The following IL34 variants were observed in gnomAD, a reference collection of about 807,000 sequenced individuals.
The protein encoded by IL34 is interleukin 34.
A neutral mutation model predicts 25.3 loss-of-function variants in IL34; 17 were observed. That is an observed-to-expected ratio of 0.67 (90% CI 0.46 to 1.01). The LOEUF (loss-of-function observed/expected upper bound fraction) is 1.01. Among genes scored for constraint, IL34 ranks in the 50% least tolerant of loss-of-function variants. IL34 has a pLI of 0.00. For synonymous variants in IL34, 174 were observed against 140.9 expected (o/e 1.23, Z -1.66); for missense variants, 368 against 312.9 (o/e 1.18, Z -1.33).
upstream of IL34, among the ~76,000 whole-genome samples, chr16:70,644,576 T>C (rs1048175389): frequency 1.3e-5 from 2 of 151,958 alleles, no homozygotes; most frequent in African/African-American, 4.8e-5. Flanking sequence ...GGGTAAAATG[T>C]AGTATATGTA....
chr16:70,632,154 G>A (rs1000665605), intron 1 of IL34, among the ~76,000 whole-genome samples: 2 of 152,042 alleles, frequency 1.3e-5, no homozygotes, highest in African/African-American at 4.8e-5. Context: ...AGCCTTGTTG[G>A]GAGGCAATTA....
intron 1 of IL34, among the ~76,000 whole-genome samples, chr16:70,633,939 C>T (rs1444964202): frequency 6.6e-6 from 1 of 152,034 alleles, no homozygotes; most frequent in African/African-American, 2.4e-5. Flanking sequence ...CAACCTCCGC[C>T]TCCTGGGTTC....
intron 1 of IL34, 81 bp from the exon 2 acceptor site, chr16:70,654,457 G>A (rs2052160559): frequency 2.7e-6 from 4 of 1,506,446 alleles, no homozygotes; most frequent in Non-Finnish European, 2.7e-6. Flanking sequence ...ATGGATGATG[G>A]TTGTGCTCGG....
chr16:70,593,855 T>C (rs1024028861), intron 1 of IL34, among the ~76,000 whole-genome samples: 8 of 152,202 alleles, frequency 5.3e-5, no homozygotes, highest in Admixed American at 5.2e-4. Context: ...TGCAGGTGGA[T>C]GATCAATCAT....
intron 1 of IL34, among the ~76,000 whole-genome samples, chr16:70,631,478 G>A (rs1055191859): frequency 5.9e-5 from 9 of 151,886 alleles, no homozygotes; most frequent in African/African-American, 2.2e-4. Flanking sequence ...CATATTAAAT[G>A]TTTTTTTAAT....
Position 70,611,538 on chromosome 16 carries a change from C to T in IL34, c.-401+31489C>T, listed in dbSNP as rs142577698. Among the ~76,000 whole-genome samples the T allele has an allele frequency of 8.3e-3, 1,256 of 152,216 alleles. 18 individuals are homozygous for T. Among genetic ancestry groups the T allele is most frequent in the African/African-American group, 0.028 (1,183 of 41,516 alleles). On this transcript the variant is annotated intron_variant, in intron 1 of 6. Coordinates refer to the IL34 transcript ENST00000429149. Reference sequence around the variant, plus strand: ...GTGCAGTGGCTCACACCTGTAATCCCAGCTCTTTGGGAGGCTGAGGCAGGT... The same window carrying T: ...GTGCAGTGGCTCACACCTGTAATCCTAGCTCTTTGGGAGGCTGAGGCAGGT...
At chr16:70,652,556 A>G (rs1475294220) in intron 1 of IL34, among the ~76,000 whole-genome samples, 2 of 152,222 alleles carry the variant, frequency 1.3e-5, no homozygotes, top group Admixed American at 6.5e-5. Flanking sequence ...TTCACTAAGC[A>G]TATCTAATTG....
rs1391475618 is a variant in IL34, at chr16:70,660,186, G to T, written c.728G>T (p.Ter243LeuextTer75). 4 of 1,572,614 alleles carry T rather than the reference G, an allele frequency of 2.5e-6. No homozygotes were observed. In the African/African-American group the frequency reaches 5.4e-5, roughly 21 times the overall value. ...GCACAGGGCGAGGGCCTCTTGCCCTGAGCACCCTGGATGGTGACTGCGGAT... is the reference window on the plus strand; with the variant it reads ...GCACAGGGCGAGGGCCTCTTGCCCTTAGCACCCTGGATGGTGACTGCGGAT... ...VRAQGEGLLP[*>L] Residue 243 changes from the stop codon to leucine, a stop_lost, in exon 6 of 6, where the codon TGA (stop) becomes TTA (leucine). Transcript: ENST00000288098.
chr16:70,638,938 A>C (rs149770171), intron 1 of IL34, among the ~76,000 whole-genome samples: 190 of 152,344 alleles, frequency 1.2e-3, no homozygotes, highest in Non-Finnish European at 2.3e-3. Context: ...GAGTGAATGC[A>C]GGGAAATCTA....
At chr16:70,596,245 G>A (rs2050821535) in intron 1 of IL34, among the ~76,000 whole-genome samples, 2 of 152,112 alleles carry the variant, frequency 1.3e-5, no homozygotes, top group African/African-American at 2.4e-5. Flanking sequence ...CCACCATCAC[G>A]ACCTCATCAT....
rs112379576 is a variant in IL34 at position 70,660,547 on chromosome 16, C to T, written c.*360C>T. The T allele has an allele frequency of 1.8e-4, 38 of 211,126 alleles. No individual in the cohort carries two copies. The highest frequency in any genetic ancestry group is 7.3e-4 in the East Asian group (7 of 9,610). The allele number at this position is 211,126 out of a possible 1,614,324, so 13.1% of individuals were successfully genotyped here. A position where few individuals can be genotyped will look rare whatever the true frequency, so the allele number is the denominator to read the frequency against. Reference sequence around the variant, plus strand: ...TGGGTTGCAGGGGAGACAGCCAGCACGGCGTGGCCATTCTATGACCCCCCA... The same window carrying T: ...TGGGTTGCAGGGGAGACAGCCAGCATGGCGTGGCCATTCTATGACCCCCCA... On this transcript the variant is annotated 3_prime_UTR_variant, in exon 6 of 6. Coordinates refer to ENST00000288098, the MANE Select transcript of IL34 (RefSeq NM_001393494.1).
chr16:70,657,456 A>G, intron 4 of IL34: 1 of 255,506 alleles, frequency 3.9e-6, no homozygotes, highest in Non-Finnish European at 7.5e-6. Context: ...GGGTAGGGGG[A>G]GAGGGGAAGA....
At chr16:70,645,441 CAG>C (rs1333653247), upstream of IL34, among the ~76,000 whole-genome samples, 4 of 152,058 alleles carry the variant, frequency 2.6e-5, no homozygotes, top group Non-Finnish European at 4.4e-5. Context: ...AGAGGGGAGA[CAG>C]GGAGGAGGCG....
chr16:70,646,477 C>T (rs761333015), upstream of IL34: 4 of 165,400 alleles, frequency 2.4e-5, no homozygotes, highest in Non-Finnish European at 5.2e-5. Context: ...GTGCGGTGTG[C>T]GCTGTGGCTG....
intron 1 of IL34, among the ~76,000 whole-genome samples, chr16:70,636,318 G>A (rs1056973333): frequency 6.6e-6 from 1 of 152,024 alleles, no homozygotes; most frequent in African/African-American, 2.4e-5. Flanking sequence ...TTACAGGTGT[G>A]AGCCACTGTG....
upstream of IL34, among the ~76,000 whole-genome samples, chr16:70,644,047 T>G: frequency 6.6e-6 from 1 of 152,172 alleles, no homozygotes; most frequent in Non-Finnish European, 1.5e-5. Context: ...CAATCTTGGC[T>G]CACTGCAACC....
At chr16:70,628,496 T>TA (rs56799017) in intron 1 of IL34, among the ~76,000 whole-genome samples, 3,154 of 150,700 alleles carry the variant, frequency 0.021, 92 homozygotes, top group African/African-American at 0.069. Context: ...TTTATTTATT[T>TA]TTTTTTTTGA....
At chr16:70,596,830 A>ATTTCCCTTGGCCTCCCAAAGTG (rs2050830225) in intron 1 of IL34, among the ~76,000 whole-genome samples, 1 of 151,976 alleles carries the variant, frequency 6.6e-6, no homozygotes, top group South Asian at 2.1e-4. Context: ...GTCTCAAGTG[A>ATTTCCCTTGGCCTCCCAAAGTG]TTTCCCTTGG....
intron 1 of IL34, among the ~76,000 whole-genome samples, chr16:70,620,911 G>T (rs1194114554): frequency 6.6e-6 from 1 of 152,086 alleles, no homozygotes; most frequent in Non-Finnish European, 1.5e-5. Context: ...ATGGAATGTG[G>T]AATCTTACGT....
Sources: gnomAD v4.1 joint callset for allele counts (sites outside exome capture counted in the v4.1 genomes callset) on GRCh38, gnomAD v4.1.1 for gene constraint, MANE v1.5 for transcripts, NCBI Gene and HGNC (gene_info 2026-07-23, HGNC 2026-07-21) for gene names.